The following TEX9 variants were observed in gnomAD, a reference collection of about 807,000 sequenced individuals.
TEX9 encodes the protein testis-expressed protein 9.
In TEX9, 74 loss-of-function variants were observed where a neutral mutation model predicts 59.6. The observed-to-expected ratio is 1.24, with a 90% CI of 1.03 to 1.51. The LOEUF is 1.51. Ranked by LOEUF, TEX9 falls within the 40% of genes most tolerant of loss-of-function variation. The pLI is 0.00. For synonymous variants in TEX9, 186 were observed against 152.2 expected (o/e 1.22, Z -1.64); for missense variants, 522 against 447.8 (o/e 1.17, Z -1.49).
intron 1 of TEX9, among the ~76,000 whole-genome samples, chr15:56,282,201 A>G (rs1296259082): frequency 1.3e-5 from 2 of 152,182 alleles, no homozygotes; most frequent in Non-Finnish European, 2.9e-5. Flanking sequence ...ATATTTTTCT[A>G]TTTGTAGAAA....
the TEX9 span, among the ~76,000 whole-genome samples, chr15:56,456,855 A>G: frequency 6.6e-6 from 1 of 152,072 alleles, no homozygotes; most frequent in Non-Finnish European, 1.5e-5. Flanking sequence ...AGGGTGTTTT[A>G]AAACAATCCT....
intron 6 of TEX9, among the ~76,000 whole-genome samples, chr15:56,390,567 T>A: frequency 6.6e-6 from 1 of 152,068 alleles, no homozygotes; most frequent in Middle Eastern, 3.2e-3. Context: ...TGTTGATGTG[T>A]CAATGAATTA....
intron 9 of TEX9, among the ~76,000 whole-genome samples, chr15:56,410,932 T>C (rs543350391): frequency 3.3e-5 from 5 of 152,350 alleles, no homozygotes; most frequent in Non-Finnish European, 5.9e-5. Context: ...TAGCAGATGG[T>C]ATCCATACAC....
chr15:56,365,615 G>T, exon 2 of TEX9: 2 of 1,614,184 alleles, frequency 1.2e-6, no homozygotes, highest in South Asian at 1.1e-5. Flanking sequence ...CCCGCCACCC[G>T]TTCAGCAACC....
At chr15:56,401,343 A>C (rs1424195902) in intron 9 of TEX9, among the ~76,000 whole-genome samples, 1 of 147,176 alleles carries the variant, frequency 6.8e-6, no homozygotes, top group African/African-American at 2.5e-5. Flanking sequence ...CAGGGGTTGC[A>C]ATCCTAGCCT....
intron 1 of TEX9, among the ~76,000 whole-genome samples, chr15:56,346,339 G>C (rs1462072255): frequency 6.6e-6 from 1 of 152,182 alleles, no homozygotes; most frequent in African/African-American, 2.4e-5. Context: ...CCAGAATAAA[G>C]CTGTGTCTGA....
At chr15:56,437,522 A>C (rs1194812137) in intron 12 of TEX9, among the ~76,000 whole-genome samples, 1 of 152,330 alleles carries the variant, frequency 6.6e-6, no homozygotes, top group East Asian at 1.9e-4. Flanking sequence ...CTGAATGGGC[A>C]AAAACTGGAA....
At chr15:56,372,342 A>C (rs2047228818) in intron 2 of TEX9, among the ~76,000 whole-genome samples, 1 of 151,608 alleles carries the variant, frequency 6.6e-6, no homozygotes, top group African/African-American at 2.4e-5. Flanking sequence ...CTGGGGGTGG[A>C]GATGGTGTTT....
intron 1 of TEX9, among the ~76,000 whole-genome samples, chr15:56,321,929 G>A (rs1195835795): frequency 2.0e-5 from 3 of 151,878 alleles, no homozygotes; most frequent in African/African-American, 4.8e-5. Flanking sequence ...GGTGGGGGAA[G>A]GGGTTGACTG....
intron 7 of TEX9, 49 bp from the exon 8 acceptor site, chr15:56,394,116 C>T (rs2048342810): frequency 2.0e-6 from 3 of 1,514,532 alleles, no homozygotes; most frequent in East Asian, 2.3e-5. Context: ...CAATTGATGT[C>T]ATCTTAGATT....
At chr15:56,379,446 A>G (rs2047618942) in intron 3 of TEX9, among the ~76,000 whole-genome samples, 2 of 152,176 alleles carry the variant, frequency 1.3e-5, no homozygotes, top group African/African-American at 4.8e-5. Context: ...ATATTTTACA[A>G]CTTGTTTTGT....
chr15:56,389,236 A>G (rs1173962772), intron 5 of TEX9, 82 bp from the exon 6 acceptor site: 6 of 1,103,786 alleles, frequency 5.4e-6, no homozygotes, highest in African/African-American at 1.6e-5. Context: ...CTGTGTAGCA[A>G]AATTCTATGT....
intron 1 of TEX9, among the ~76,000 whole-genome samples, chr15:56,246,984 A>G (rs1196328738): frequency 1.3e-5 from 2 of 152,194 alleles, no homozygotes; most frequent in African/African-American, 4.8e-5. Context: ...TACAAGATGG[A>G]TTGTCAGCAC....
downstream of TEX9, chr15:56,447,254 T>G (rs143583518): frequency 2.0e-4 from 36 of 183,206 alleles, no homozygotes; most frequent in Admixed American, 1.2e-3. Context: ...GTCTCCAATT[T>G]TGGTCATCTT....
chr15:56,420,901 A>T (rs1204952862), intron 10 of TEX9, among the ~76,000 whole-genome samples: 1 of 151,902 alleles, frequency 6.6e-6, no homozygotes, highest in African/African-American at 2.4e-5. Flanking sequence ...TTGTGGACAG[A>T]GAATGCATTT....
intron 1 of TEX9, among the ~76,000 whole-genome samples, chr15:56,313,382 C>G (rs1371737556): frequency 7.7e-6 from 1 of 129,626 alleles, no homozygotes; most frequent in East Asian, 2.2e-4. Context: ...TTGTCAAAGG[C>G]TTTTTCTGCA....
intron 1 of TEX9, among the ~76,000 whole-genome samples, chr15:56,271,683 T>G: frequency 6.6e-6 from 1 of 152,222 alleles, no homozygotes; most frequent in Non-Finnish European, 1.5e-5. Flanking sequence ...TTTCTTATGA[T>G]TAGTGTTTGT....
intron 1 of TEX9, among the ~76,000 whole-genome samples, chr15:56,327,343 GA>G (rs1382655602): frequency 1.3e-5 from 2 of 152,130 alleles, no homozygotes; most frequent in African/African-American, 4.8e-5. Context: ...ATTGAACAAT[GA>G]ATCCTTACTT....
At position 56,383,934 on chromosome 15, in the gene TEX9, T is replaced by C. The variant is rs1157127403; in HGVS notation, c.184-18T>C. The C allele has an allele frequency of 3.8e-6, 6 of 1,589,080 alleles. No homozygotes were observed. Among genetic ancestry groups the C allele is most frequent in the Non-Finnish European group, 5.2e-6 (6 of 1,164,928 alleles). Reference sequence around the variant, plus strand: ...TTTTTTTTCTATATGATATATTACCTATCTTTACTCATTTAAGAGAGATCG... The same window carrying C: ...TTTTTTTTCTATATGATATATTACCCATCTTTACTCATTTAAGAGAGATCG... On this transcript the variant is annotated intron_variant, in intron 3 of 12. Coordinates refer to ENST00000352903, the Ensembl canonical transcript of TEX9.
Sources: gnomAD v4.1 joint callset for allele counts (sites outside exome capture counted in the v4.1 genomes callset) on GRCh38, gnomAD v4.1.1 for gene constraint, MANE v1.5 for transcripts, NCBI Gene and HGNC (gene_info 2026-07-23, HGNC 2026-07-21) for gene names.